VAT1L: variants seen among roughly 807,000 people sequenced by gnomAD.
VAT1L encodes vesicle amine transport 1 like.
Under a neutral mutation model 44.1 loss-of-function variants are expected in VAT1L, and 34 were observed. The observed-to-expected ratio is 0.77, with a 90% CI of 0.59 to 1.03. VAT1L has a LOEUF of 1.03. VAT1L is among the 50% of genes least tolerant of loss of function. VAT1L has a pLI of 0.00. For synonymous variants in VAT1L, 253 were observed against 202.2 expected, an observed-to-expected ratio of 1.25 and a Z score of -2.13; for missense variants, 615 against 538.8, an observed-to-expected ratio of 1.14 and a Z score of -1.40.
At chr16:77,816,135 A>T (rs1166006400) in intron 1 of VAT1L, among the ~76,000 whole-genome samples, 1 of 152,062 alleles carries the variant, frequency 6.6e-6, no homozygotes, top group Non-Finnish European at 1.5e-5. Context: ...TAATAGCGTC[A>T]TTGGAATCAA....
chr16:77,862,881 A>G lies in VAT1L; in HGVS notation c.713A>G (p.Glu238Gly). 6.2e-7 allele frequency: 1 copy of G among 1,614,054 alleles called. No individual in the cohort carries two copies. Among genetic ancestry groups the G allele is most frequent in the African/African-American group, 1.3e-5 (1 of 75,048 alleles). The change falls in exon 4 of 9, where the codon GAA (glutamate) becomes GGA (glycine). Residue 238 changes from glutamate (E) to glycine (G), a missense_variant. Physicochemically the swap from Glu to Gly is moderately conservative, Grantham distance 98. Coordinates refer to ENST00000302536, the MANE Select transcript of VAT1L (RefSeq NM_020927.3). ...LFDRNADYVQ[E>G]VKRISAEGVD... ...GACAGAAATGCAGACTACGTGCAAG[A>G]AGTTAAAAGGTAAGATGTTTGCTTT... is the stretch of plus-strand genomic sequence containing the variant.
chr16:77,963,711 C>T (rs1156491631), intron 7 of VAT1L, among the ~76,000 whole-genome samples: 1 of 151,688 alleles, frequency 6.6e-6, no homozygotes, highest in Admixed American at 6.6e-5. Context: ...CTGGATCCCT[C>T]CTGAGACTCC....
rs912089334 is a variant in VAT1L at position 77,978,456 on chromosome 16, T to G, written c.*761T>G. ...CTTCCTGCTCCATATCTGTTTCAATTTTAAGAAAGCACCACATACAAGACA... is the reference window on the plus strand; with the variant it reads ...CTTCCTGCTCCATATCTGTTTCAATGTTAAGAAAGCACCACATACAAGACA... On this transcript the variant is annotated 3_prime_UTR_variant, in exon 9 of 9. Transcript: ENST00000302536. 6.6e-6 allele frequency: 1 copy of G among 152,240 alleles called. No homozygotes were observed. Among genetic ancestry groups the G allele is most frequent in the Non-Finnish European group, 1.5e-5 (1 of 68,052 alleles). The allele number at this position is 152,240 out of a possible 1,614,324, so 9.4% of individuals were successfully genotyped here.
intron 3 of VAT1L, among the ~76,000 whole-genome samples, chr16:77,832,016 C>T (rs191000908): frequency 2.5e-4 from 33 of 131,636 alleles, no homozygotes; most frequent in Non-Finnish European, 4.1e-4. Flanking sequence ...TTAGTAGAGA[C>T]AGGGATTCAC....
chr16:77,966,305 C>T (rs1056862240), intron 7 of VAT1L, among the ~76,000 whole-genome samples: 2 of 152,098 alleles, frequency 1.3e-5, no homozygotes, highest in African/African-American at 4.8e-5. Context: ...CACTAGCCAA[C>T]TGAGGTGTGA....
intron 3 of VAT1L, among the ~76,000 whole-genome samples, chr16:77,829,820 T>C (rs1170656063): frequency 6.6e-6 from 1 of 152,196 alleles, no homozygotes; most frequent in East Asian, 1.9e-4. Flanking sequence ...GTGAGGTTAT[T>C]TGCATTTGTG....
intron 7 of VAT1L, among the ~76,000 whole-genome samples, chr16:77,920,332 T>C (rs1448384353): frequency 6.6e-6 from 1 of 152,068 alleles, no homozygotes; most frequent in Non-Finnish European, 1.5e-5. Context: ...GGCAGGTCCA[T>C]TTAAAACTGC....
intron 7 of VAT1L, among the ~76,000 whole-genome samples, chr16:77,948,155 A>C (rs1234136927): frequency 6.6e-6 from 1 of 152,148 alleles, no homozygotes; most frequent in East Asian, 1.9e-4. Context: ...CATAGCTAGG[A>C]TATAGCTCCT....
At chr16:77,864,158 C>G (rs2016945366) in intron 4 of VAT1L, among the ~76,000 whole-genome samples, 1 of 152,186 alleles carries the variant, frequency 6.6e-6, no homozygotes, top group Non-Finnish European at 1.5e-5. Context: ...GCTCTGGGCC[C>G]CAGGCTTGTT....
At chr16:77,945,575 C>T (rs2017951154) in intron 7 of VAT1L, among the ~76,000 whole-genome samples, 1 of 151,920 alleles carries the variant, frequency 6.6e-6, no homozygotes, top group African/African-American at 2.4e-5. Flanking sequence ...CAGGTGTTAG[C>T]CACCACACCT....
chr16:77,813,812 G>A (rs949593025), intron 1 of VAT1L, among the ~76,000 whole-genome samples: 1 of 152,304 alleles, frequency 6.6e-6, no homozygotes, highest in East Asian at 1.9e-4. Context: ...TTTAAGGAAT[G>A]GGTTCCCGTC....
chr16:77,793,022 G>A (rs2015862433), intron 1 of VAT1L, among the ~76,000 whole-genome samples: 1 of 152,072 alleles, frequency 6.6e-6, no homozygotes, highest in Non-Finnish European at 1.5e-5. Flanking sequence ...TTTTGAGACA[G>A]GCATAGCAAG....
intron 7 of VAT1L, among the ~76,000 whole-genome samples, chr16:77,934,476 G>C (rs1434210699): frequency 6.6e-6 from 1 of 152,088 alleles, no homozygotes; most frequent in Non-Finnish European, 1.5e-5. Context: ...AAAAAAAATG[G>C]ATTCTTCCCT....
chr16:77,840,104 T>C (rs1352312080), intron 3 of VAT1L, among the ~76,000 whole-genome samples: 1 of 152,144 alleles, frequency 6.6e-6, no homozygotes, highest in Non-Finnish European at 1.5e-5. Flanking sequence ...AATGAGATAA[T>C]CTATGGAATC....
At chr16:77,835,781 G>A (rs972835128) in intron 3 of VAT1L, among the ~76,000 whole-genome samples, 1 of 151,942 alleles carries the variant, frequency 6.6e-6, no homozygotes, top group African/African-American at 2.4e-5. Context: ...GCTGAGGCAA[G>A]AGAATCACTT....
chr16:77,835,973 G>A (rs976978931), intron 3 of VAT1L, among the ~76,000 whole-genome samples: 1 of 152,030 alleles, frequency 6.6e-6, no homozygotes, highest in East Asian at 1.9e-4. Flanking sequence ...TCTAAAGTCA[G>A]ACTCCTTGGG....
At chr16:77,843,281 T>C (rs1478358751) in intron 3 of VAT1L, among the ~76,000 whole-genome samples, 1 of 151,786 alleles carries the variant, frequency 6.6e-6, no homozygotes, top group African/African-American at 2.4e-5. Flanking sequence ...AGAAGCCAGC[T>C]GGGCAGTGGG....
chr16:77,888,235 T>C (rs433416), intron 7 of VAT1L, among the ~76,000 whole-genome samples: 136,846 of 152,168 alleles, frequency 0.9, 63,350 homozygotes, highest in East Asian at 1. Flanking sequence ...GCATTTACTG[T>C]CAGTTGAAAT....
In VAT1L at chr16:77,892,637, A is replaced by C. The variant is rs891139769; in HGVS notation, c.1077+7835A>C. The stretch of plus-strand genomic sequence containing the variant: ...TGGTGACTTCACACTCCATAATGGC[A>C]CTGGTGGCAACTCCATCTATGGAGA... On this transcript the variant is annotated intron_variant, in intron 7 of 8. Transcript: ENST00000302536. 17 of 699,066 alleles carry C rather than the reference A, an allele frequency of 2.4e-5. No homozygotes were observed. In the African/African-American group the frequency reaches 3.0e-4, roughly 12 times the overall value. 43.3% of individuals were successfully genotyped at this position (699,066 alleles called of 1,614,324 possible).
Sources: allele counts gnomAD v4.1 joint callset (sites outside exome capture counted in the v4.1 genomes callset), GRCh38; gene constraint gnomAD v4.1.1; transcripts MANE v1.5; gene names NCBI Gene and HGNC (gene_info 2026-07-23, HGNC 2026-07-21).